Variants in DGKI observed in about 807,000 individuals in gnomAD.
The protein encoded by DGKI is DAG kinase iota.
In DGKI, 55 loss-of-function variants were observed where a neutral mutation model predicts 147.5. The observed-to-expected ratio is 0.37, with a 90% CI of 0.30 to 0.47. DGKI has a LOEUF of 0.47. Ranked by LOEUF, DGKI falls within the 20% of genes least tolerant of loss-of-function variation. The pLI, the probability that DGKI is intolerant of heterozygous loss-of-function variation, is 1.00. For synonymous variants in DGKI, 469 were observed against 477.1 expected, an observed-to-expected ratio of 0.98 and a Z score of 0.22; for missense variants, 1,007 against 1,323.8, an observed-to-expected ratio of 0.76 and a Z score of 3.71.
intron 17 of DGKI, 86 bp downstream of exon 17, chr7:137,577,136 T>C: frequency 1.1e-6 from 1 of 924,210 alleles, no homozygotes. Flanking sequence ...AGTCCAGTGA[T>C]TCAATATATA....
intron 1 of DGKI, among the ~76,000 whole-genome samples, chr7:137,728,679 C>T (rs1293580508): frequency 1.3e-5 from 2 of 152,146 alleles, no homozygotes; most frequent in African/African-American, 4.8e-5. Context: ...TCTTGTCTAA[C>T]CAGTGCTCAG....
intron 21 of DGKI, among the ~76,000 whole-genome samples, chr7:137,497,795 C>T (rs901595039): frequency 6.6e-6 from 1 of 152,036 alleles, no homozygotes; most frequent in Non-Finnish European, 1.5e-5. Flanking sequence ...ACACTAGACA[C>T]CAGGGCCTCC....
chr7:137,797,464 C>A (rs1457322522), intron 1 of DGKI, among the ~76,000 whole-genome samples: 1 of 151,798 alleles, frequency 6.6e-6, no homozygotes, highest in Non-Finnish European at 1.5e-5. Context: ...CAGCATAAAC[C>A]AATAATTATA....
At chr7:137,505,643 A>C (rs1816340768) in intron 21 of DGKI, among the ~76,000 whole-genome samples, 1 of 149,204 alleles carries the variant, frequency 6.7e-6, no homozygotes, top group African/African-American at 2.5e-5. Context: ...AGGTACTAGT[A>C]TTCCTAAATG....
intron 2 of DGKI, among the ~76,000 whole-genome samples, chr7:137,680,798 A>T (rs1823209124): frequency 2.6e-5 from 4 of 152,220 alleles, no homozygotes; most frequent in Non-Finnish European, 5.9e-5. Context: ...AAGAGAAAAA[A>T]AAAAGGAATA....
chr7:137,528,550 C>A (rs1348477341), intron 20 of DGKI, among the ~76,000 whole-genome samples: 1 of 152,174 alleles, frequency 6.6e-6, no homozygotes, highest in Non-Finnish European at 1.5e-5. Context: ...AGTAAGTTCT[C>A]AGTCTCTAAG....
intron 2 of DGKI, among the ~76,000 whole-genome samples, chr7:137,685,445 CA>C (rs1301359064): frequency 1.3e-5 from 2 of 152,090 alleles, no homozygotes; most frequent in African/African-American, 4.8e-5. Context: ...TGCAGTACTA[CA>C]AACAGGGAAG....
At chr7:137,414,551 A>G (rs1435909627) in intron 28 of DGKI, among the ~76,000 whole-genome samples, 1 of 126,638 alleles carries the variant, frequency 7.9e-6, no homozygotes, top group African/African-American at 2.8e-5. Flanking sequence ...AAAAAAAAAA[A>G]ACCCTATGAA....
chr7:137,595,369 T>C (rs1345062113), intron 12 of DGKI, among the ~76,000 whole-genome samples: 1 of 152,238 alleles, frequency 6.6e-6, no homozygotes, highest in Non-Finnish European at 1.5e-5. Context: ...CCACATACTC[T>C]ATTGAAACTG....
chr7:137,619,748 TCTG>T (rs1277778742), intron 8 of DGKI, 73 bp downstream of exon 8: 2 of 1,123,612 alleles, frequency 1.8e-6, no homozygotes, highest in Non-Finnish European at 2.7e-6. Context: ...CAAAGACTAG[TCTG>T]GGGAGAAAAG....
At chr7:137,420,532 T>C (rs965889235) in intron 28 of DGKI, among the ~76,000 whole-genome samples, 8 of 152,182 alleles carry the variant, frequency 5.3e-5, no homozygotes, top group African/African-American at 1.9e-4. Flanking sequence ...GTGTTATGCA[T>C]ACAATGTCAT....
chr7:137,456,124 T>TACAACTTCCTATACCGACC (rs1814196276), intron 27 of DGKI, among the ~76,000 whole-genome samples: 1 of 152,168 alleles, frequency 6.6e-6, no homozygotes, highest in Non-Finnish European at 1.5e-5. Context: ...CAACAGTGCC[T>TACAACTTCCTATACCGACC]ACAACTTCCT....
intron 21 of DGKI, among the ~76,000 whole-genome samples, 194 bp downstream of exon 21, chr7:137,521,672 C>T (rs1185958402): frequency 1.3e-5 from 2 of 152,108 alleles, no homozygotes; most frequent in African/African-American, 4.8e-5. Flanking sequence ...TATTCAGCTG[C>T]TTTCCTTTTC....
At chr7:137,806,713 A>G (rs952638980) in intron 1 of DGKI, among the ~76,000 whole-genome samples, 17 of 152,278 alleles carry the variant, frequency 1.1e-4, no homozygotes, top group East Asian at 1.9e-4. Context: ...GATTACAGGC[A>G]TGAGCCACCG....
At position 137,472,399 on chromosome 7, in the gene DGKI, T is replaced by A. The variant is rs1270013041; in HGVS notation, c.2374-2780A>T. On this transcript the variant is annotated intron_variant, in intron 23 of 32. Coordinates refer to ENST00000614521, the MANE Select transcript of DGKI (RefSeq NM_001321708.2). The stretch of plus-strand genomic sequence containing the variant: ...TATATGTATATATACATATTATAAT[T>A]ATTATATGTATATATACATATACAT... 9.0e-3 allele frequency among the ~76,000 whole-genome samples: 978 copies of A among 108,686 alleles called. 63 individuals carry two copies. The highest frequency in any genetic ancestry group is 0.035 in the African/African-American group (788 of 22,328). The allele number at this position is 108,686 out of a possible 152,430, so 71.3% of individuals were successfully genotyped here.
chr7:137,442,628 T>G (rs1813553683), intron 28 of DGKI, among the ~76,000 whole-genome samples: 1 of 152,224 alleles, frequency 6.6e-6, no homozygotes, highest in Admixed American at 6.5e-5. Context: ...AGGTGGTCAA[T>G]TGCCTGATCC....
At chr7:137,435,812 C>T (rs113172336) in intron 28 of DGKI, among the ~76,000 whole-genome samples, 9,065 of 152,222 alleles carry the variant, frequency 0.06, 707 homozygotes, top group African/African-American at 0.18. Flanking sequence ...CAGAGTCTTG[C>T]TCTGTAGCCC....
chr7:137,690,058 C>A (rs369820754), intron 1 of DGKI, 56 bp from the exon 2 acceptor site: 2 of 1,366,506 alleles, frequency 1.5e-6, no homozygotes, highest in Non-Finnish European at 1.0e-6. Flanking sequence ...ATCAGAATCT[C>A]ATACAGAGCT....
chr7:137,486,476 G>A (rs775995133), intron 22 of DGKI, among the ~76,000 whole-genome samples: 1 of 151,984 alleles, frequency 6.6e-6, no homozygotes, highest in Non-Finnish European at 1.5e-5. Context: ...TAGAAGTTTG[G>A]GAACATATTA....
Sources: gnomAD v4.1 joint callset for allele counts (sites outside exome capture counted in the v4.1 genomes callset) on GRCh38, gnomAD v4.1.1 for gene constraint, MANE v1.5 for transcripts, NCBI Gene and HGNC (gene_info 2026-07-23, HGNC 2026-07-21) for gene names.